The following TRMT11 variants were observed in gnomAD, a reference collection of about 807,000 sequenced individuals.
TRMT11 encodes tRNA (guanine(10)-N(2))-methyltransferase TRMT11.
TRMT11 carries 53 observed loss-of-function variants against 62.8 expected under a neutral mutation model. That is an observed-to-expected ratio of 0.84 (90% CI 0.68 to 1.06). The LOEUF (loss-of-function observed/expected upper bound fraction) is 1.06. Ranked by LOEUF, TRMT11 falls within the 50% of genes least tolerant of loss-of-function variation. The pLI, the probability that TRMT11 is intolerant of heterozygous loss-of-function variation, is 0.00. For missense variants in TRMT11, 556 were observed against 553.4 expected (o/e 1.00, Z -0.05); for synonymous variants, 188 against 190.3 (o/e 0.99, Z 0.10).
intron 2 of TRMT11, among the ~76,000 whole-genome samples, chr6:125,994,629 G>A (rs558577303): frequency 2.0e-5 from 3 of 152,214 alleles, no homozygotes; most frequent in Non-Finnish European, 4.4e-5. Flanking sequence ...AGTAATATAA[G>A]TCATTCTATT....
At chr6:126,172,338 G>T (rs748153066), upstream of TRMT11, among the ~76,000 whole-genome samples, 2 of 152,152 alleles carry the variant, frequency 1.3e-5, no homozygotes, top group Non-Finnish European at 2.9e-5. Flanking sequence ...GTTACTCCAA[G>T]AAGTTATGTG....
chr6:126,148,138 A>C (rs1325962167), intron 21 of TRMT11, among the ~76,000 whole-genome samples: 4 of 152,184 alleles, frequency 2.6e-5, no homozygotes, highest in Non-Finnish European at 5.9e-5. Flanking sequence ...TGTTCATTTA[A>C]ATCTTTCTAC....
In TRMT11 at chr6:125,998,556, G is replaced by A; in HGVS notation, c.394G>A (p.Glu132Lys). Reference protein sequence around the residue: ...EEKIKRIDALEFLPFEGKVNL... With the variant: ...EEKIKRIDALKFLPFEGKVNL... ...TTTCTTTTGTTTCTTTTAGGCACTT[G>A]AATTTCTGCCATTTGAAGGAAAAGT... The change falls in exon 6 of 13, where the codon GAA becomes AAA. Residue 132 changes from glutamate to lysine, a missense_variant. Glu to Lys is a moderately conservative substitution (Grantham distance 56). Transcript: ENST00000334379. 6.2e-7 allele frequency: 1 copy of A among 1,611,444 alleles called. No individual in the cohort carries two copies. Among genetic ancestry groups the A allele is most frequent in the Non-Finnish European group, 8.5e-7 (1 of 1,179,166 alleles).
At chr6:126,127,887 C>T (rs1777737031) in intron 21 of TRMT11, among the ~76,000 whole-genome samples, 1 of 152,032 alleles carries the variant, frequency 6.6e-6, no homozygotes, top group African/African-American at 2.4e-5. Context: ...GACTCATTGA[C>T]AGGGTGATTG....
At chr6:126,078,552 C>T (rs764761228) in intron 17 of TRMT11, among the ~76,000 whole-genome samples, 1 of 152,120 alleles carries the variant, frequency 6.6e-6, no homozygotes, top group Non-Finnish European at 1.5e-5. Flanking sequence ...TCTGTTGTAA[C>T]GTCGTCCTTA....
At chr6:126,084,330 C>T (rs932560346) in intron 17 of TRMT11, among the ~76,000 whole-genome samples, 1 of 152,064 alleles carries the variant, frequency 6.6e-6, no homozygotes, top group African/African-American at 2.4e-5. Context: ...ATTTGCATAT[C>T]CTTGGTGAGT....
chr6:126,159,818 C>G (rs1778168381), intron 21 of TRMT11, among the ~76,000 whole-genome samples: 1 of 152,166 alleles, frequency 6.6e-6, no homozygotes. Context: ...TGCCTCTGTC[C>G]TCACATAGCA....
intron 3 of TRMT11, among the ~76,000 whole-genome samples, chr6:126,200,280 G>C (rs763057368): frequency 3.9e-5 from 6 of 152,208 alleles, no homozygotes; most frequent in Non-Finnish European, 7.3e-5. Context: ...GCTCCTGGAA[G>C]CTTGAAGAAA....
chr6:126,112,605 TAAC>T (rs913921027), intron 17 of TRMT11, among the ~76,000 whole-genome samples: 2 of 152,232 alleles, frequency 1.3e-5, no homozygotes, highest in Admixed American at 1.3e-4. Context: ...GTTGTAGTAA[TAAC>T]AATCTCTGGG....
intron 21 of TRMT11, among the ~76,000 whole-genome samples, chr6:126,117,124 T>A (rs1304240402): frequency 2.6e-5 from 4 of 152,088 alleles, no homozygotes; most frequent in Non-Finnish European, 5.9e-5. Context: ...CTTTTGTACA[T>A]TTGCTTTTTG....
chr6:126,166,809 C>T (rs1247928450), intron 21 of TRMT11, among the ~76,000 whole-genome samples: 1 of 152,072 alleles, frequency 6.6e-6, no homozygotes, highest in Non-Finnish European at 1.5e-5. Context: ...GATGGCCTGC[C>T]CAGAGAGGAG....
chr6:126,050,471 G>C (rs1776183806), intron 16 of TRMT11, among the ~76,000 whole-genome samples: 1 of 152,160 alleles, frequency 6.6e-6, no homozygotes, highest in African/African-American at 2.4e-5. Flanking sequence ...GAGAGGCTGA[G>C]GCCGGAGGAT....
the TRMT11 span, among the ~76,000 whole-genome samples, chr6:126,271,223 A>T: frequency 2.0e-5 from 3 of 151,666 alleles, no homozygotes; most frequent in Admixed American, 2.0e-4. Context: ...AATTAGCTGC[A>T]TGTGGTGGCA....
chr6:125,998,627 T>C lies in TRMT11; in HGVS notation c.465T>C (p.Tyr155=), dbSNP rs780508580. The change falls in exon 6 of 13, where the codon TAT becomes TAC. Residue 155 remains tyrosine, a synonymous_variant. Coordinates refer to ENST00000334379, the MANE Select transcript of TRMT11 (RefSeq NM_001031712.3). ...PQHVFSVLED[Y]GLDPNCIPEN... ...ATGTATTTTCTGTTTTGGAGGATTATGGTTTAGACCCAAACTGCATCCCTG... is the reference window on the plus strand; with the variant it reads ...ATGTATTTTCTGTTTTGGAGGATTACGGTTTAGACCCAAACTGCATCCCTG... 9 of 1,613,610 alleles carry C rather than the reference T, an allele frequency of 5.6e-6. No homozygotes were observed. Among genetic ancestry groups the C allele is most frequent in the Admixed American group, 1.7e-5 (1 of 59,996 alleles).
intron 21 of TRMT11, among the ~76,000 whole-genome samples, chr6:126,144,074 G>A (rs1777948196): frequency 6.6e-6 from 1 of 152,178 alleles, no homozygotes; most frequent in African/African-American, 2.4e-5. Flanking sequence ...ATTAATAGCT[G>A]CTTTTGAGTC....
At chr6:126,023,376 G>A (rs1026654344) in intron 12 of TRMT11, among the ~76,000 whole-genome samples, 21 of 152,094 alleles carry the variant, frequency 1.4e-4, no homozygotes, top group African/African-American at 2.7e-4. Context: ...TGGGCCAGGC[G>A]CGGTGGCTCA....
chr6:126,235,247 T>C, the TRMT11 span, among the ~76,000 whole-genome samples: 1 of 152,192 alleles, frequency 6.6e-6, no homozygotes, highest in African/African-American at 2.4e-5. Flanking sequence ...GCTTTTACGC[T>C]GTTTGTGGGA....
chr6:126,072,636 A>G (rs1454099445), intron 17 of TRMT11, among the ~76,000 whole-genome samples: 1 of 152,240 alleles, frequency 6.6e-6, no homozygotes, highest in Non-Finnish European at 1.5e-5. Context: ...ACAATATCAC[A>G]TACTGGGTAG....
intron 21 of TRMT11, among the ~76,000 whole-genome samples, chr6:126,163,616 C>T (rs991867025): frequency 1.3e-5 from 2 of 152,126 alleles, no homozygotes; most frequent in Admixed American, 6.6e-5. Flanking sequence ...GGAATAGTTT[C>T]GTAAGGAATG....
Sources: gnomAD v4.1 joint callset for allele counts (sites outside exome capture counted in the v4.1 genomes callset) on GRCh38, gnomAD v4.1.1 for gene constraint, MANE v1.5 for transcripts, NCBI Gene and HGNC (gene_info 2026-07-23, HGNC 2026-07-21) for gene names.